The following TEX15 variants were observed in gnomAD, a reference collection of about 807,000 sequenced individuals.
TEX15 encodes the protein testis-expressed protein 15.
In TEX15, 171 loss-of-function variants were observed where a neutral mutation model predicts 237.3. The ratio of observed to expected loss-of-function variants is 0.72; its 90% CI spans 0.64 to 0.82. The LOEUF (loss-of-function observed/expected upper bound fraction) is 0.82, where lower values mean the gene tolerates loss of function less well. Ranked by LOEUF, TEX15 falls within the 40% of genes least tolerant of loss-of-function variation. TEX15 has a pLI of 0.00. For missense variants in TEX15, 3,750 were observed against 3,646.5 expected, an observed-to-expected ratio of 1.03 and a Z score of -0.73; for synonymous variants, 1,338 against 1,269.8, an observed-to-expected ratio of 1.05 and a Z score of -1.14.
chr8:30,846,365 C>T lies in TEX15; in HGVS notation c.3802G>A (p.Val1268Ile), dbSNP rs141905776. 7.4e-6 allele frequency: 12 copies of T among 1,613,196 alleles called. No homozygotes were observed. Among genetic ancestry groups the T allele is most frequent in the African/African-American group, 1.3e-5 (1 of 74,880 alleles). ...SESLFTEPSN[V>I]TTIDDGSRCF... ...CTGCTTCCATCATCTATTGTTGTGA[C>T]ATTAGAAGGTTCAGTAAACAAAGAT... The change falls in exon 8 of 11, where the codon GTC (valine) becomes ATC (isoleucine). Residue 1268 changes from valine to isoleucine, a missense_variant. Coordinates refer to ENST00000643185, the MANE Select transcript of TEX15 (RefSeq NM_001350162.2).
chr8:30,905,950 G>A (rs1004503263), intron 1 of TEX15, among the ~76,000 whole-genome samples: 2 of 151,708 alleles, frequency 1.3e-5, no homozygotes, highest in Non-Finnish European at 2.9e-5. Flanking sequence ...AATTTTATCT[G>A]CCCCTTACTG....
chr8:30,867,367 T>C lies in TEX15; in HGVS notation c.438A>G (p.Leu146=). ...TATAAATTCCAAGAAGAGGATTTCC[T>C]AGTATCTTCAATGTAGATGCTCTGG... ...ISTRASTLKI[L]GNPLLGIYMF... Residue 146 remains leucine (L), a synonymous_variant, in exon 5 of 11, where the codon CTA becomes CTG. Coordinates refer to ENST00000643185, the MANE Select transcript of TEX15 (RefSeq NM_001350162.2). The C allele has an allele frequency of 6.5e-7, 1 of 1,529,244 alleles. No individual in the cohort carries two copies. The highest frequency in any genetic ancestry group is 8.8e-7 in the Non-Finnish European group (1 of 1,140,948). 94.7% of individuals were successfully genotyped at this position (1,529,244 alleles called of 1,614,324 possible). A position where few individuals can be genotyped will look rare whatever the true frequency, so the allele number is the denominator to read the frequency against.
At chr8:30,886,044 CA>C (rs1303694955) in intron 3 of TEX15, among the ~76,000 whole-genome samples, 1 of 152,138 alleles carries the variant, frequency 6.6e-6, no homozygotes, top group Non-Finnish European at 1.5e-5. Flanking sequence ...ATAGTTCCAA[CA>C]CCTGTGTCAA....
chr8:30,872,353 C>T (rs754717684), intron 4 of TEX15, among the ~76,000 whole-genome samples: 15 of 152,104 alleles, frequency 9.9e-5, no homozygotes, highest in Non-Finnish European at 1.5e-4. Flanking sequence ...TAATGCATCA[C>T]TTTCATGTCT....
At position 30,837,903 on chromosome 8, in the gene TEX15, T is replaced by G; in HGVS notation, c.8381A>C (p.Lys2794Thr). The change falls in exon 10 of 11, where the codon AAG becomes ACG. Residue 2794 changes from lysine (K) to threonine (T), a missense_variant. Physicochemically the swap from Lys to Thr is moderately conservative, Grantham distance 78. Transcript: ENST00000643185. ...AGTTAAGTCTATTTTGCTTTCCGACTTTGATGCGCAAGTGTCTTTTGGGTT... is the reference window on the plus strand; with the variant it reads ...AGTTAAGTCTATTTTGCTTTCCGACGTTGATGCGCAAGTGTCTTTTGGGTT... ...LENPKDTCAS[K>T]SESKIDLTVS... The G allele has an allele frequency of 1.9e-6, 3 of 1,614,218 alleles. No individual in the cohort carries two copies. Among genetic ancestry groups the G allele is most frequent in the Non-Finnish European group, 2.5e-6 (3 of 1,180,028 alleles).
chr8:30,845,844 A>T lies in TEX15; in HGVS notation c.4323T>A (p.Tyr1441Ter). The change falls in exon 8 of 11, where the codon TAT becomes TAA. Residue 1441 changes from tyrosine to a stop codon, truncating the protein, a stop_gained. Transcript: ENST00000643185. LOFTEE classifies it high-confidence loss of function. ...TTTTTGACGAAAAATGCTTAGTAGAATAATATTTTCTTTGAGACACAGAAC... is the reference window on the plus strand; with the variant it reads ...TTTTTGACGAAAAATGCTTAGTAGATTAATATTTTCTTTGAGACACAGAAC... ...GYSSVSQRKY[Y>*]STKHFSSKRK... 5.6e-6 allele frequency: 9 copies of T among 1,610,386 alleles called. No homozygotes were observed. The highest frequency in any genetic ancestry group is 7.6e-6 in the Non-Finnish European group (9 of 1,179,010).
chr8:30,871,660 T>C (rs1272182135), intron 4 of TEX15, among the ~76,000 whole-genome samples: 3 of 152,150 alleles, frequency 2.0e-5, no homozygotes, highest in East Asian at 1.9e-4. Context: ...TTTTCACACA[T>C]ACCCTTCTTC....
chr8:30,869,774 T>C (rs1301236306), intron 4 of TEX15, among the ~76,000 whole-genome samples: 1 of 151,998 alleles, frequency 6.6e-6, no homozygotes, highest in African/African-American at 2.4e-5. Context: ...AAACCCGGTA[T>C]CATAGTACTG....
intron 1 of TEX15, among the ~76,000 whole-genome samples, chr8:30,906,674 ATACCTTAGGAAAAACTAAAACACTAG>A (rs1397900746): frequency 6.6e-6 from 1 of 152,144 alleles, no homozygotes; most frequent in Non-Finnish European, 1.5e-5. Context: ...CAGGCATGTA[ATACCTTAGGAAAAACTAAAACACTAG>A]GTTTAACTGC....
At chr8:30,896,599 T>C (rs983171963) in intron 2 of TEX15, among the ~76,000 whole-genome samples, 8 of 151,698 alleles carry the variant, frequency 5.3e-5, no homozygotes, top group African/African-American at 1.2e-4. Flanking sequence ...ATTCTGTTGA[T>C]ATTTGTTTTA....
chr8:30,848,474 G>A lies in TEX15; in HGVS notation c.1693C>T (p.Gln565Ter). The A allele has an allele frequency of 6.2e-7, 1 of 1,614,020 alleles. No homozygotes were observed. Among genetic ancestry groups the A allele is most frequent in the Non-Finnish European group, 8.5e-7 (1 of 1,179,994 alleles). Reference protein sequence around the residue: ...NHSEEKAQRAQQESGNAYTKE... With the variant: ...NHSEEKAQRA ...GTATAAGCATTACCGGACTCCTGTT[G>A]GGCTCTCTGAGCCTTCTCCTCACTG... Residue 565 changes from glutamine to a stop codon, truncating the protein, a stop_gained, in exon 8 of 11, where the codon CAA (glutamine) becomes TAA (stop). Coordinates refer to ENST00000643185, the MANE Select transcript of TEX15 (RefSeq NM_001350162.2). LOFTEE classifies it high-confidence loss of function.
intron 2 of TEX15, chr8:30,890,480 C>T (rs1216756957): frequency 1.3e-5 from 2 of 152,120 alleles, no homozygotes; most frequent in Admixed American, 1.3e-4. Flanking sequence ...GCTCACCTCC[C>T]ACTCCCTTCT....
intron 3 of TEX15, among the ~76,000 whole-genome samples, chr8:30,879,143 A>G (rs1350662663): frequency 6.7e-6 from 1 of 150,258 alleles, no homozygotes; most frequent in Non-Finnish European, 1.5e-5. Context: ...TTTTTTACCT[A>G]CTGAACTTTG....
chr8:30,872,610 C>A (rs1164682776), intron 4 of TEX15, among the ~76,000 whole-genome samples: 1 of 151,994 alleles, frequency 6.6e-6, no homozygotes, highest in Admixed American at 6.6e-5. Flanking sequence ...CAGCTCCATG[C>A]ACGTTACTGC....
chr8:30,834,158 CCTG>C (rs1807241459), intron 10 of TEX15, among the ~76,000 whole-genome samples: 1 of 152,008 alleles, frequency 6.6e-6, no homozygotes, highest in African/African-American at 2.4e-5. Context: ...GGACTTTGTT[CCTG>C]CTTTCTTTTT....
In TEX15 at chr8:30,837,763, CA is replaced by C; in HGVS notation, c.8520del (p.Phe2840LeufsTer40). 6.2e-7 allele frequency: 1 copy of C among 1,614,154 alleles called. No homozygotes were observed. Among genetic ancestry groups the C allele is most frequent in the Non-Finnish European group, 8.5e-7 (1 of 1,180,012 alleles). Reference protein sequence around the residue: ...TKSDKKDCAAFAICDQKSVHG... With the variant: ...TKSDKKDCAAXAICDQKSVHG... The stretch of plus-strand genomic sequence containing the variant: ...TGTACACTTTTTTGGTCACAAATTG[CA>C]AAAGCAGCACAATCTTTCTTATCAC... On this transcript the variant is annotated frameshift_variant, in exon 10 of 11. Coordinates refer to ENST00000643185, the MANE Select transcript of TEX15 (RefSeq NM_001350162.2). LOFTEE classifies it high-confidence loss of function.
At position 30,858,777 on chromosome 8, in the gene TEX15, T is replaced by C; in HGVS notation, c.741A>G (p.Gln247=). Reference sequence around the variant, plus strand: ...CTGTTACTACAGCATATGGAAGACATTGCCTAGGTTTATCTACAGGCTTTG... The same window carrying C: ...CTGTTACTACAGCATATGGAAGACACTGCCTAGGTTTATCTACAGGCTTTG... ...VLSKPVDKPR[Q]CLPYAVVTVK... The change falls in exon 7 of 11, where the codon CAA becomes CAG. Residue 247 remains glutamine, a synonymous_variant. Coordinates refer to ENST00000643185, the MANE Select transcript of TEX15 (RefSeq NM_001350162.2). 6.5e-7 allele frequency: 1 copy of C among 1,535,724 alleles called. No individual in the cohort carries two copies. Among genetic ancestry groups the C allele is most frequent in the Non-Finnish European group, 8.7e-7 (1 of 1,146,664 alleles).
At chr8:30,889,378 G>A (rs1808734658) in intron 2 of TEX15, among the ~76,000 whole-genome samples, 1 of 152,132 alleles carries the variant, frequency 6.6e-6, no homozygotes, top group South Asian at 2.1e-4. Flanking sequence ...CTTGAACCCG[G>A]GAGGTGGAGG....
chr8:30,912,334 T>TCATGGAGGCCCCGCCCCCCATGAGGC (rs1440679200), intron 1 of TEX15, among the ~76,000 whole-genome samples: 1 of 150,756 alleles, frequency 6.6e-6, no homozygotes, highest in Non-Finnish European at 1.5e-5. Flanking sequence ...GCGGCGGGGC[T>TCATGGAGGCCCCGCCCCCCATGAGGC]CCCGCCCCCT....
Sources: gnomAD v4.1 joint callset for allele counts (sites outside exome capture counted in the v4.1 genomes callset) on GRCh38, gnomAD v4.1.1 for gene constraint, MANE v1.5 for transcripts, NCBI Gene and HGNC (gene_info 2026-07-23, HGNC 2026-07-21) for gene names.